ATP1A3: variants seen among roughly 807,000 people sequenced by gnomAD.
ATP1A3 encodes ATPase Na+/K+ transporting subunit alpha 3, also known as sodium/potassium-transporting ATPase subunit alpha-3.
ATP1A3 carries 12 observed loss-of-function variants against 108.8 expected under a neutral mutation model. The ratio of observed to expected loss-of-function variants is 0.11; its 90% CI spans 0.07 to 0.18. ATP1A3 has a LOEUF of 0.18. Among genes scored for constraint, ATP1A3 ranks in the 10% least tolerant of loss-of-function variants. The probability of loss-of-function intolerance (pLI) is 1.00; values close to 1 mark genes in which losing one functional copy is unlikely to be tolerated. For synonymous variants in ATP1A3, 539 were observed against 564.5 expected (o/e 0.95, Z 0.64); for missense variants, 498 against 1,387.7 (o/e 0.36, Z 10.19).
chr19:41,989,438 C>T (rs978186808), intron 1 of ATP1A3, among the ~76,000 whole-genome samples: 17 of 151,804 alleles, frequency 1.1e-4, no homozygotes, highest in African/African-American at 4.1e-4. Flanking sequence ...CCTGCCTCAG[C>T]CTCCCGAGTA....
chr19:41,977,373 A>G (rs940462911), intron 14 of ATP1A3, among the ~76,000 whole-genome samples: 28 of 152,030 alleles, frequency 1.8e-4, no homozygotes, highest in African/African-American at 6.3e-4. Flanking sequence ...CCAATGTCAC[A>G]CAGCTTGTGA....
At chr19:41,976,288 TC>T in intron 15 of ATP1A3, 127 bp downstream of exon 15, 1 of 1,182,460 alleles carries the variant, frequency 8.5e-7, no homozygotes. Flanking sequence ...CCCCAGACCC[TC>T]CTCTCTCAGA....
Position 41,988,299 on chromosome 19 carries a change from G to GC in ATP1A3, c.153+18dup. On this transcript the variant is annotated intron_variant, in intron 3 of 22. Coordinates refer to ENST00000648268, the MANE Select transcript of ATP1A3 (RefSeq NM_152296.5). This position sits in a 1 kb window ranked among gnomAD's most constrained non-coding sequence, Gnocchi z 5.3. The stretch of plus-strand genomic sequence containing the variant: ...CTCCTCCCTAGTTCCCAGGGTCCCA[G>GC]CCCACAGCCTGGCCACACCTGCACA... 2 of 1,613,986 alleles carry GC rather than the reference G, an allele frequency of 1.2e-6. No individual in the cohort carries two copies. Among genetic ancestry groups the GC allele is most frequent in the Non-Finnish European group, 1.7e-6 (2 of 1,179,908 alleles).
chr19:41,985,918 C>T lies in ATP1A3; in HGVS notation c.552G>A (p.Lys184=). 6.2e-7 allele frequency: 1 copy of T among 1,614,180 alleles called. No homozygotes were observed. The highest frequency in any genetic ancestry group is 8.5e-7 in the Non-Finnish European group (1 of 1,180,018). Residue 184 remains lysine (K), a synonymous_variant, in exon 6 of 23, where the codon AAG becomes AAA. Coordinates refer to ENST00000648268, the MANE Select transcript of ATP1A3 (RefSeq NM_152296.5). This position sits in a 1 kb window ranked among gnomAD's most constrained non-coding sequence, Gnocchi z 8.2. ...EVVVGDLVEI[K]GGDRVPADLR... ...GGTCAGCTGGCACTCGGTCTCCACC[C>T]TTGATCTCCACCAGGTCCCCGACCA...
At chr19:41,974,660 C>T (rs1555860569) in intron 16 of ATP1A3, among the ~76,000 whole-genome samples, 1 of 152,150 alleles carries the variant, frequency 6.6e-6, no homozygotes, top group Non-Finnish European at 1.5e-5. Context: ...AGGCATGAAC[C>T]GTGATTATTT....
chr19:41,983,759 T>TA lies in ATP1A3; in HGVS notation c.993+1158dup, dbSNP rs1278717040. On this transcript the variant is annotated intron_variant, in intron 8 of 22. Transcript: ENST00000648268. ...CATGTACCACCACGCCTGGCTAATT[T>TA]AAAAAAATTTTTTTTTTTTTTTTTT... is the stretch of plus-strand genomic sequence containing the variant. Among the ~76,000 whole-genome samples the TA allele has an allele frequency of 4.1e-4, 59 of 145,108 alleles. 1 individual carries two copies. The highest frequency in any genetic ancestry group is 5.6e-4 in the Non-Finnish European group (37 of 66,454).
In ATP1A3 at chr19:41,967,118, G is replaced by A. The variant is rs1209366443; in HGVS notation, c.3013+131C>T. On this transcript the variant is annotated intron_variant, in intron 22 of 22. Coordinates refer to ENST00000648268, the MANE Select transcript of ATP1A3 (RefSeq NM_152296.5). This position sits in a 1 kb window ranked among gnomAD's most constrained non-coding sequence, Gnocchi z 4.2. ...TGAGAAGACAGAGTGGGTGCCCGGA[G>A]AGATGGGAAGAGAGAGAAGAGTGGG... The A allele has an allele frequency of 1.3e-6, 2 of 1,557,512 alleles. No homozygotes were observed. The highest frequency in any genetic ancestry group is 2.7e-5 in the African/African-American group (2 of 73,262).
In ATP1A3 at chr19:41,988,315, C is replaced by T. The variant is rs1364274477; in HGVS notation, c.153+3G>A. On this transcript the variant is annotated splice_donor_region_variant and intron_variant, in intron 3 of 22. Coordinates refer to ENST00000648268, the MANE Select transcript of ATP1A3 (RefSeq NM_152296.5). The surrounding 1 kb of genome is among the most constrained non-coding windows in gnomAD (Gnocchi z 5.3). ...AGGGTCCCAGCCCACAGCCTGGCCA[C>T]ACCTGCACACAGTCTGTGTTGTATT... 6.2e-7 allele frequency: 1 copy of T among 1,614,024 alleles called. No individual in the cohort carries two copies. The highest frequency in any genetic ancestry group is 8.5e-7 in the Non-Finnish European group (1 of 1,179,982).
rs1599722924 is a variant in ATP1A3 at position 41,985,245 on chromosome 19, A to G, written c.725-59T>C. The G allele has an allele frequency of 1.2e-6, 2 of 1,612,916 alleles. No individual in the cohort carries two copies. The highest frequency in any genetic ancestry group is 1.7e-6 in the Non-Finnish European group (2 of 1,179,720). The stretch of plus-strand genomic sequence containing the variant: ...GGCTCAGGGAGGTTCTGGAGGCCTG[A>G]CCCCCTGGGACACATCCCTGTGTCT... On this transcript the variant is annotated intron_variant, in intron 7 of 22. Transcript: ENST00000648268. This position sits in a 1 kb window ranked among gnomAD's most constrained non-coding sequence, Gnocchi z 8.2.
In ATP1A3 at chr19:41,994,114, G is replaced by A; in HGVS notation, c.-38C>T. On this transcript the variant is annotated 5_prime_UTR_variant, in exon 1 of 23. Transcript: ENST00000648268. ...GCGGCGAGAGAGCCAGGCGGGCGGG[G>A]CGGGGACCTCGGGGCGGGCTCAGGC... 6.4e-7 allele frequency: 1 copy of A among 1,565,910 alleles called. No homozygotes were observed.
rs1555866393 is a variant in ATP1A3 at position 41,988,594 on chromosome 19, C to A, written c.7-32G>T. ...GGTGGCGATACGATAGCTGTCAGAG[C>A]CACCAGACTGCGGGCGAGAAGGGGT... On this transcript the variant is annotated intron_variant, in intron 1 of 22. Transcript: ENST00000648268. This position sits in a 1 kb window ranked among gnomAD's most constrained non-coding sequence, Gnocchi z 5.3. 1 of 1,614,068 alleles carries A rather than the reference C, an allele frequency of 6.2e-7. No individual in the cohort carries two copies. Among genetic ancestry groups the A allele is most frequent in the Middle Eastern group, 1.6e-4 (1 of 6,062 alleles).
chr19:41,993,874 C>G, intron 1 of ATP1A3, 197 bp downstream of exon 1: 1 of 994,988 alleles, frequency 1.0e-6, no homozygotes, highest in Admixed American at 2.6e-5. Context: ...AAAGCCATGC[C>G]AACGTGCGCC....
At chr19:41,977,790 G>T in intron 14 of ATP1A3, 146 bp downstream of exon 14, 1 of 1,211,228 alleles carries the variant, frequency 8.3e-7, no homozygotes. Context: ...CCACACCGGA[G>T]GGAGGGCCAG....
chr19:41,991,661 G>T (rs998239718), intron 1 of ATP1A3, among the ~76,000 whole-genome samples: 4 of 152,178 alleles, frequency 2.6e-5, no homozygotes, highest in Non-Finnish European at 5.9e-5. Flanking sequence ...GTTGAAGGCT[G>T]GGAGCTGATG....
chr19:41,983,941 A>T (rs1191539048), intron 8 of ATP1A3, among the ~76,000 whole-genome samples: 2 of 151,186 alleles, frequency 1.3e-5, no homozygotes, highest in Non-Finnish European at 2.9e-5. Flanking sequence ...CGCCTGGCTA[A>T]TTTTTATACT....
intron 11 of ATP1A3, among the ~76,000 whole-genome samples, chr19:41,980,660 C>A (rs1343073791): frequency 1.3e-5 from 2 of 151,970 alleles, no homozygotes; most frequent in Non-Finnish European, 2.9e-5. Flanking sequence ...GCCTGTAATC[C>A]CAGCACTTTG....
rs1599705215 is a variant in ATP1A3, at chr19:41,969,473, T to G, written c.2650A>C (p.Thr884Pro). ...TAACTGTCTTCCAGGTCATTGACGG[T>G]GCGGTCATCCCAGTTCAGCCGGATG... ...VGIRLNWDDR[T>P]VNDLEDSYGQ... Residue 884 changes from threonine to proline, a missense_variant, in exon 19 of 23, where the codon ACC (threonine) becomes CCC (proline). Coordinates refer to ENST00000648268, the MANE Select transcript of ATP1A3 (RefSeq NM_152296.5). 6.2e-7 allele frequency: 1 copy of G among 1,614,054 alleles called. No individual in the cohort carries two copies. Among genetic ancestry groups the G allele is most frequent in the Non-Finnish European group, 8.5e-7 (1 of 1,179,988 alleles).
rs1368405322 is a variant in ATP1A3, at chr19:41,994,219, C to G, written c.-143G>C. ...CCGTCCGTCCGTCCGTTGGTCCCAC[C>G]GCACAGAGGCTGCGGCGGCCGCCGC... On this transcript the variant is annotated 5_prime_UTR_variant, in exon 1 of 23. Coordinates refer to ENST00000648268, the MANE Select transcript of ATP1A3 (RefSeq NM_152296.5). 1.5e-5 allele frequency: 11 copies of G among 744,226 alleles called. No individual in the cohort carries two copies. Among genetic ancestry groups the G allele is most frequent in the Non-Finnish European group, 2.2e-5 (11 of 507,216 alleles). 46.1% of individuals were successfully genotyped at this position (744,226 alleles called of 1,614,324 possible).
At chr19:41,982,199 C>T (rs1480532292) in intron 8 of ATP1A3, 93 bp from the exon 9 acceptor site, 2 of 1,604,458 alleles carry the variant, frequency 1.2e-6, no homozygotes, top group African/African-American at 1.3e-5. Context: ...GCTGCCCAGC[C>T]CCCAGAGAAT....
Sources: gnomAD v4.1 joint callset for allele counts (sites outside exome capture counted in the v4.1 genomes callset) on GRCh38, gnomAD v4.1.1 for gene constraint, Gnocchi (gnomAD v3.1) non-coding constraint, MANE v1.5 for transcripts, NCBI Gene and HGNC (gene_info 2026-07-23, HGNC 2026-07-21) for gene names.